Variants in SYNE2 observed in about 807,000 individuals in gnomAD.
SYNE2 encodes nesprin-2.
SYNE2 carries 431 observed loss-of-function variants against 856.3 expected under a neutral mutation model. The ratio of observed to expected loss-of-function variants is 0.50; its 90% CI spans 0.47 to 0.55. The LOEUF (loss-of-function observed/expected upper bound fraction) is 0.55, where lower values mean the gene tolerates loss of function less well. SYNE2 is among the 20% of genes least tolerant of loss of function. The pLI is 0.00. For missense variants in SYNE2, 8,129 were observed against 8,023.2 expected (o/e 1.01, Z -0.50); for synonymous variants, 2,923 against 2,872.3 (o/e 1.02, Z -0.56).
At position 64,080,557 on chromosome 14, in the gene SYNE2, G is replaced by T; in HGVS notation, c.11265G>T (p.Trp3755Cys). ...AGGACCCAGGACAGGCTCAAGAATGGATGGATAACTTGATGATTCCTTTCC... is the reference window on the plus strand; with the variant it reads ...AGGACCCAGGACAGGCTCAAGAATGTATGGATAACTTGATGATTCCTTTCC... ...VEQDPGQAQE[W>C]MDNLMIPFQQ... The change falls in exon 56 of 116, where the codon TGG becomes TGT. Residue 3755 changes from tryptophan to cysteine, a missense_variant. This residue lies in a region of SYNE2 where 5,410 missense variants were observed against 5,284.8 expected (regional missense o/e 1.02). Transcript: ENST00000555002. 6.2e-7 allele frequency: 1 copy of T among 1,614,174 alleles called. No individual in the cohort carries two copies. The highest frequency in any genetic ancestry group is 8.5e-7 in the Non-Finnish European group (1 of 1,180,032).
chr14:64,013,633 G>A (rs542233143), intron 32 of SYNE2, among the ~76,000 whole-genome samples: 1 of 152,130 alleles, frequency 6.6e-6, no homozygotes, highest in South Asian at 2.1e-4. Context: ...TTCCACCTGT[G>A]TGGACAAACA....
intron 100 of SYNE2, among the ~76,000 whole-genome samples, chr14:64,204,637 TGTCTTTATAGAA>T (rs1461261680): frequency 6.6e-6 from 1 of 152,220 alleles, no homozygotes; most frequent in Non-Finnish European, 1.5e-5. Flanking sequence ...TTGAAAATTC[TGTCTTTATAGAA>T]TTCAGCATCA....
intron 79 of SYNE2, among the ~76,000 whole-genome samples, 155 bp from the exon 80 acceptor site, chr14:64,139,786 A>G (rs1487642043): frequency 6.6e-6 from 1 of 152,196 alleles, no homozygotes; most frequent in Non-Finnish European, 1.5e-5. Flanking sequence ...ATGGTATAAA[A>G]CATGATATAA....
chr14:64,022,789 A>G lies in SYNE2; in HGVS notation c.5563A>G (p.Lys1855Glu), dbSNP rs372601009. The G allele has an allele frequency of 1.3e-5, 21 of 1,610,912 alleles. No individual in the cohort carries two copies. The highest frequency in any genetic ancestry group is 1.8e-5 in the Non-Finnish European group (21 of 1,177,462). Residue 1855 changes from lysine to glutamate, a missense_variant, in exon 38 of 116, where the codon AAA becomes GAA. By Grantham distance (56) the Lys-to-Glu change is moderately conservative (BLOSUM62 1). This residue lies in a region of SYNE2 where 2,422 missense variants were observed against 2,357.4 expected (regional missense o/e 1.03). Transcript: ENST00000555002. ...KNFNDWFSNI[K>E]VNLKECFESS... Reference sequence around the variant, plus strand: ...CTTTAATGACTGGTTCAGCAACATTAAAGTGAACCTTAAGGAGTGTTTTGA... The same window carrying G: ...CTTTAATGACTGGTTCAGCAACATTGAAGTGAACCTTAAGGAGTGTTTTGA...
chr14:63,806,875 A>C (rs13343231), intron 1 of SYNE2, among the ~76,000 whole-genome samples: 1 of 138,584 alleles, frequency 7.2e-6, no homozygotes, highest in African/African-American at 2.6e-5. Flanking sequence ...TAAACTTAAA[A>C]TTTTTTTTTT....
Position 63,954,850 on chromosome 14 carries a change from A to G in SYNE2, c.722A>G (p.Asn241Ser). ...GTGAAGCATAGATCCAACAAAGACA[A>G]TCTGAGAGAGGCCTTCAGAATTGCA... ...KSVKHRSNKD[N>S]LREAFRIAEQ... The change falls in exon 8 of 116, where the codon AAT becomes AGT. Residue 241 changes from asparagine (N) to serine (S), a missense_variant. Coordinates refer to ENST00000555002, the MANE Select transcript of SYNE2 (RefSeq NM_182914.3). 1 of 1,614,024 alleles carries G rather than the reference A, an allele frequency of 6.2e-7. No individual in the cohort carries two copies. The highest frequency in any genetic ancestry group is 8.5e-7 in the Non-Finnish European group (1 of 1,179,966).
chr14:64,001,896 T>C, intron 28 of SYNE2, 38 bp from the exon 29 acceptor site: 6 of 1,612,646 alleles, frequency 3.7e-6, no homozygotes, highest in Non-Finnish European at 5.1e-6. Flanking sequence ...ATCTTTCTGC[T>C]GTGTTTTCCC....
chr14:64,106,175 C>T (rs2097770534), intron 64 of SYNE2, among the ~76,000 whole-genome samples: 1 of 140,470 alleles, frequency 7.1e-6, no homozygotes, highest in Admixed American at 7.1e-5. Context: ...TTGATATTGT[C>T]AGTCTTAGCC....
At chr14:63,769,704 T>G (rs931344948) in intron 1 of SYNE2, among the ~76,000 whole-genome samples, 24 of 103,582 alleles carry the variant, frequency 2.3e-4, no homozygotes, top group Middle Eastern at 6.4e-3. Context: ...GGCAACAAGG[T>G]GAAACCCTGT....
intron 92 of SYNE2, 145 bp from the exon 93 acceptor site, chr14:64,168,732 C>A: frequency 1.5e-6 from 1 of 648,910 alleles, no homozygotes; most frequent in Non-Finnish European, 2.7e-6. Flanking sequence ...GATAGTTGAA[C>A]ATTTTTTGCA....
At chr14:64,020,171 C>A in intron 35 of SYNE2, 78 bp downstream of exon 35, 3 of 1,016,072 alleles carry the variant, frequency 3.0e-6, no homozygotes, top group Non-Finnish European at 3.1e-6. Context: ...CCAGCCTGGG[C>A]GACAGAGCAA....
intron 95 of SYNE2, among the ~76,000 whole-genome samples, chr14:64,175,583 A>G (rs753524585): frequency 1.3e-5 from 2 of 152,166 alleles, no homozygotes; most frequent in South Asian, 2.1e-4. Context: ...TTGTTATGCT[A>G]AGATACCAAG....
chr14:64,099,493 T>C (rs2097703718), intron 63 of SYNE2: 1 of 154,924 alleles, frequency 6.5e-6, no homozygotes, highest in African/African-American at 2.4e-5. Flanking sequence ...CGCTGGGACA[T>C]GGTGGAACTG....
At chr14:63,861,059 G>C (rs563543542) in intron 1 of SYNE2, among the ~76,000 whole-genome samples, 4 of 152,008 alleles carry the variant, frequency 2.6e-5, no homozygotes, top group Non-Finnish European at 5.9e-5. Context: ...TGAACCATGG[G>C]CATAGAGGAT....
At chr14:63,942,209 T>A in intron 6 of SYNE2, 66 bp downstream of exon 6, 1 of 955,836 alleles carries the variant, frequency 1.0e-6, no homozygotes, top group Non-Finnish European at 1.7e-6. Context: ...TGTAATGCAA[T>A]AAGTGTGAGT....
intron 65 of SYNE2, 36 bp downstream of exon 65, chr14:64,107,643 T>G (rs1192384428): frequency 6.7e-7 from 1 of 1,485,166 alleles, no homozygotes; most frequent in Non-Finnish European, 9.4e-7. Flanking sequence ...ACTGCTCAGA[T>G]AGCTGGACTA....
At position 64,162,279 on chromosome 14, in the gene SYNE2, G is replaced by A; in HGVS notation, c.16299+3G>A. ...CCCCAGCCCTGCAGGACATAAAGGT[G>A]GGTACAAAGCCCATTTGGAAAACCA... is the stretch of plus-strand genomic sequence containing the variant. On this transcript the variant is annotated splice_donor_region_variant and intron_variant, in intron 88 of 115. Transcript: ENST00000555002. 1 of 1,614,008 alleles carries A rather than the reference G, an allele frequency of 6.2e-7. No individual in the cohort carries two copies. Among genetic ancestry groups the A allele is most frequent in the Non-Finnish European group, 8.5e-7 (1 of 1,179,968 alleles).
chr14:63,856,856 C>T (rs1240063658), intron 1 of SYNE2, among the ~76,000 whole-genome samples: 3 of 152,164 alleles, frequency 2.0e-5, no homozygotes, highest in Non-Finnish European at 2.9e-5. Context: ...ACTGTAGCCT[C>T]TACCTCCTGG....
intron 2 of SYNE2, among the ~76,000 whole-genome samples, chr14:63,920,061 C>A (rs543937134): frequency 1.2e-4 from 18 of 148,484 alleles, no homozygotes; most frequent in African/African-American, 4.3e-4. Flanking sequence ...TCTGAAAGCC[C>A]CATTCATTTA....
Sources: gnomAD v4.1 joint callset for allele counts (sites outside exome capture counted in the v4.1 genomes callset) on GRCh38, gnomAD v4.1.1 for gene constraint, gnomAD v4.1.1 regional missense constraint, MANE v1.5 for transcripts, NCBI Gene and HGNC (gene_info 2026-07-23, HGNC 2026-07-21) for gene names.